TENM4: variants seen among roughly 807,000 people sequenced by gnomAD.
TENM4 encodes teneurin transmembrane protein 4, also known as teneurin-4.
A neutral mutation model predicts 243.3 loss-of-function variants in TENM4; 82 were observed. The ratio of observed to expected loss-of-function variants is 0.34; its 90% confidence interval spans 0.28 to 0.40. The LOEUF (loss-of-function observed/expected upper bound fraction) is 0.40, where lower values mean the gene tolerates loss of function less well. Among genes scored for constraint, TENM4 ranks in the 10% least tolerant of loss-of-function variants. The pLI, the probability that TENM4 is intolerant of heterozygous loss-of-function variation, is 1.00. For synonymous variants in TENM4, 1,412 were observed against 1,456.3 expected (o/e 0.97, Z 0.69); for missense variants, 3,138 against 3,673.3 (o/e 0.85, Z 3.77).
intron 3 of TENM4, among the ~76,000 whole-genome samples, chr11:79,180,706 T>C (rs116365820): frequency 0.01 from 1,578 of 151,628 alleles, 33 homozygotes; most frequent in African/African-American, 0.036. Flanking sequence ...TGGCTGGGCA[T>C]AGTGGTGTGC....
At chr11:78,880,976 TGTG>T (rs1258554981) in intron 9 of TENM4, among the ~76,000 whole-genome samples, 1 of 152,238 alleles carries the variant, frequency 6.6e-6, no homozygotes, top group African/African-American at 2.4e-5. Flanking sequence ...GTGTTTTGAC[TGTG>T]GTGGTGGTCA....
At chr11:79,307,225 G>A (rs567410883) in intron 1 of TENM4, among the ~76,000 whole-genome samples, 3 of 152,220 alleles carry the variant, frequency 2.0e-5, no homozygotes, top group Admixed American at 6.5e-5. Context: ...GAGTGGCAGC[G>A]GGAACTAGAA....
intron 18 of TENM4, among the ~76,000 whole-genome samples, chr11:78,765,836 G>A (rs1210493460): frequency 2.0e-5 from 3 of 152,202 alleles, no homozygotes; most frequent in African/African-American, 7.2e-5. Context: ...AAAAATGGCT[G>A]CTGTTTTCCT....
At chr11:78,798,679 GCCGCGACTGT>G (rs1238401725) in intron 15 of TENM4, among the ~76,000 whole-genome samples, 4 of 152,110 alleles carry the variant, frequency 2.6e-5, no homozygotes, top group African/African-American at 9.7e-5. Flanking sequence ...GCTGGACTGA[GCCGCGACTGT>G]CCAGCTGATC....
At chr11:78,918,921 C>T (rs929897051) in intron 6 of TENM4, among the ~76,000 whole-genome samples, 6 of 152,192 alleles carry the variant, frequency 3.9e-5, no homozygotes, top group Non-Finnish European at 8.8e-5. Flanking sequence ...TGAATCCCAG[C>T]TCTGCCACTC....
At chr11:79,253,289 CA>C (rs555779890) in intron 2 of TENM4, among the ~76,000 whole-genome samples, 47 of 152,276 alleles carry the variant, frequency 3.1e-4, no homozygotes, top group African/African-American at 1.1e-3. Context: ...AAGGCCTGAG[CA>C]AACTCATCAA....
At chr11:78,921,414 A>C (rs60210666) in intron 6 of TENM4, among the ~76,000 whole-genome samples, 2,798 of 152,354 alleles carry the variant, frequency 0.018, 83 homozygotes, top group African/African-American at 0.064. Flanking sequence ...CTCTCTCTCT[A>C]GAACTCAAAT....
intron 4 of TENM4, among the ~76,000 whole-genome samples, chr11:79,124,643 A>ATGTGTG (rs1314241984): frequency 8.2e-6 from 1 of 121,704 alleles, no homozygotes; most frequent in African/African-American, 3.1e-5. Flanking sequence ...GTATATATAT[A>ATGTGTG]TATGTGTGTG....
rs192462434 is a variant in TENM4, at chr11:79,033,290, C to T, written c.493+31448G>A. 1.5e-3 allele frequency among the ~76,000 whole-genome samples: 227 copies of T among 152,252 alleles called. 4 individuals are homozygous for T. In the South Asian group the frequency reaches 0.044, roughly 30 times the overall value. On this transcript the variant is annotated intron_variant, in intron 6 of 33. Transcript: ENST00000278550. ...TTGTTGATTTGTCAAAACCAGGTTC[C>T]TGGAGGTCAAGTTCCTAGGGGAAAA... is the stretch of plus-strand genomic sequence containing the variant.
At chr11:78,973,706 A>G (rs1020091801) in intron 6 of TENM4, among the ~76,000 whole-genome samples, 5 of 151,946 alleles carry the variant, frequency 3.3e-5, no homozygotes, top group African/African-American at 1.2e-4. Flanking sequence ...ATATAGAACA[A>G]GATCAAGTAT....
At chr11:78,728,683 C>A (rs564270983) in intron 22 of TENM4, among the ~76,000 whole-genome samples, 2 of 152,104 alleles carry the variant, frequency 1.3e-5, no homozygotes, top group African/African-American at 4.8e-5. Flanking sequence ...GGGTTCAAGA[C>A]GAGAAGGGAT....
chr11:79,274,328 C>T (rs1268366255), intron 2 of TENM4, among the ~76,000 whole-genome samples: 1 of 152,222 alleles, frequency 6.6e-6, no homozygotes, highest in East Asian at 1.9e-4. Flanking sequence ...CTCAGATTTG[C>T]AAAGGCTGAG....
intron 3 of TENM4, among the ~76,000 whole-genome samples, chr11:79,207,165 G>A (rs1015825911): frequency 6.6e-6 from 1 of 152,166 alleles, no homozygotes; most frequent in Non-Finnish European, 1.5e-5. Context: ...CCTCCAGGGG[G>A]ACCTGGGAGA....
At chr11:78,805,650 T>C (rs1421154303) in intron 14 of TENM4, among the ~76,000 whole-genome samples, 158 bp from the exon 15 acceptor site, 1 of 152,170 alleles carries the variant, frequency 6.6e-6, no homozygotes, top group Non-Finnish European at 1.5e-5. Flanking sequence ...CTGCGGCAAA[T>C]GGCAGACCTG....
At chr11:79,413,544 C>A (rs1204859900) in intron 1 of TENM4, among the ~76,000 whole-genome samples, 1 of 152,232 alleles carries the variant, frequency 6.6e-6, no homozygotes, top group African/African-American at 2.4e-5. Flanking sequence ...CCCCTAACAG[C>A]TGCCTCAGCT....
intron 14 of TENM4, among the ~76,000 whole-genome samples, chr11:78,806,936 T>A (rs929715240): frequency 6.6e-6 from 1 of 152,252 alleles, no homozygotes; most frequent in Admixed American, 6.5e-5. Context: ...TTAATGTAAG[T>A]GGAATCATCC....
intron 1 of TENM4, among the ~76,000 whole-genome samples, chr11:79,428,270 T>G (rs1859096483): frequency 6.6e-6 from 1 of 152,178 alleles, no homozygotes. Flanking sequence ...CAGTTTGAGG[T>G]GGGTTTGAGA....
chr11:79,082,785 C>T (rs1860707716), intron 4 of TENM4, among the ~76,000 whole-genome samples: 1 of 152,148 alleles, frequency 6.6e-6, no homozygotes, highest in Non-Finnish European at 1.5e-5. Flanking sequence ...CAGAATTTCA[C>T]TGACATCTCT....
chr11:78,746,289 G>T (rs970812600), intron 19 of TENM4, among the ~76,000 whole-genome samples: 1 of 152,222 alleles, frequency 6.6e-6, no homozygotes, highest in African/African-American at 2.4e-5. Context: ...ACCACCTGGG[G>T]CCATCTAACA....
Sources: allele counts gnomAD v4.1 joint callset (sites outside exome capture counted in the v4.1 genomes callset), GRCh38; gene constraint gnomAD v4.1.1; transcripts MANE v1.5; gene names NCBI Gene and HGNC (gene_info 2026-07-23, HGNC 2026-07-21).